Variants in IMPG2 observed in about 807,000 individuals in gnomAD.
IMPG2 encodes the protein interphotoreceptor matrix proteoglycan 2.
IMPG2 carries 91 observed loss-of-function variants against 129.2 expected under a neutral mutation model. The ratio of observed to expected loss-of-function variants is 0.70; its 90% CI spans 0.59 to 0.84. The LOEUF is 0.84. Among genes scored for constraint, IMPG2 ranks in the 40% least tolerant of loss-of-function variants. The probability of loss-of-function intolerance (pLI) is 0.00; values close to 1 mark genes in which losing one functional copy is unlikely to be tolerated. For missense variants in IMPG2, 1,430 were observed against 1,461.7 expected (o/e 0.98, Z 0.35); for synonymous variants, 510 against 517.7 (o/e 0.99, Z 0.20).
chr3:101,269,385 A>G, intron 8 of IMPG2, 130 bp downstream of exon 8: 1 of 621,838 alleles, frequency 1.6e-6, no homozygotes, highest in East Asian at 2.8e-5. Context: ...ATACTAATTT[A>G]CCAGAAATAG....
chr3:101,293,751 T>G (rs2107128467), intron 3 of IMPG2, among the ~76,000 whole-genome samples: 2 of 152,344 alleles, frequency 1.3e-5, no homozygotes. Flanking sequence ...ATAAATTATC[T>G]TAGCTAGATC....
chr3:101,286,046 C>T (rs1333074063), intron 4 of IMPG2, among the ~76,000 whole-genome samples: 4 of 151,980 alleles, frequency 2.6e-5, no homozygotes, highest in African/African-American at 9.7e-5. Flanking sequence ...TGAATACTGG[C>T]TTTGTGACCT....
intron 9 of IMPG2, among the ~76,000 whole-genome samples, chr3:101,258,982 T>A (rs543312280): frequency 6.6e-6 from 1 of 152,188 alleles, no homozygotes; most frequent in African/African-American, 2.4e-5. Flanking sequence ...AACAAGCCCT[T>A]AGAGCAGTTA....
chr3:101,303,710 A>C (rs952154191), intron 3 of IMPG2, among the ~76,000 whole-genome samples: 1 of 152,232 alleles, frequency 6.6e-6, no homozygotes, highest in African/African-American at 2.4e-5. Context: ...CCTATGCCTC[A>C]CTAAACATTT....
intron 4 of IMPG2, among the ~76,000 whole-genome samples, chr3:101,286,115 T>C (rs1706943502): frequency 1.3e-5 from 2 of 152,110 alleles, no homozygotes; most frequent in Non-Finnish European, 2.9e-5. Flanking sequence ...AGAAGGATAA[T>C]ATTAATACCT....
At chr3:101,258,816 A>T (rs1455982088) in intron 9 of IMPG2, among the ~76,000 whole-genome samples, 3 of 152,206 alleles carry the variant, frequency 2.0e-5, no homozygotes, top group African/African-American at 7.2e-5. Context: ...TAAACCAAAT[A>T]AAAATATTCC....
intron 17 of IMPG2, 81 bp from the exon 18 acceptor site, chr3:101,228,957 T>G (rs1706252337): frequency 9.9e-7 from 1 of 1,009,298 alleles, no homozygotes; most frequent in African/African-American, 1.6e-5. Flanking sequence ...CTAATTTTCA[T>G]AAGGAATTGT....
chr3:101,303,583 G>A (rs777636293), intron 3 of IMPG2, among the ~76,000 whole-genome samples: 64 of 152,322 alleles, frequency 4.2e-4, no homozygotes, highest in African/African-American at 1.3e-3. Flanking sequence ...TGTGCTACAC[G>A]AAAAGGGAAA....
intron 3 of IMPG2, among the ~76,000 whole-genome samples, chr3:101,294,981 AC>A (rs1225891866): frequency 2.6e-5 from 4 of 151,888 alleles, no homozygotes; most frequent in African/African-American, 9.7e-5. Context: ...TAGATATTAG[AC>A]CTTTGTCAGA....
At position 101,224,299 on chromosome 3, in the gene IMPG2, T is replaced by C. The variant is rs2107197791; in HGVS notation, c.*2670A>G. The stretch of plus-strand genomic sequence containing the variant: ...AAGGATAGTGTATATAATTCAATTA[T>C]AAAGGCTACATCTGTAAAACACCAC... On this transcript the variant is annotated 3_prime_UTR_variant, in exon 19 of 19. Transcript: ENST00000193391. 6.6e-6 allele frequency: 1 copy of C among 152,362 alleles called. No homozygotes were observed. The highest frequency in any genetic ancestry group is 1.5e-5 in the Non-Finnish European group (1 of 68,040). The allele number at this position is 152,362 out of a possible 1,614,324, so 9.4% of individuals were successfully genotyped here. A position where few individuals can be genotyped will look rare whatever the true frequency, so the allele number is the denominator to read the frequency against.
Position 101,244,355 on chromosome 3 carries a change from T to G in IMPG2, c.1976A>C (p.Asp659Ala). Residue 659 changes from aspartate to alanine, a missense_variant, in exon 13 of 19, where the codon GAC becomes GCC. Physicochemically the swap from Asp to Ala is moderately radical, Grantham distance 126 (BLOSUM62 -2). Coordinates refer to ENST00000193391, the MANE Select transcript of IMPG2 (RefSeq NM_016247.4). ...LVLVDKMDST[D>A]QISKHSKYEH... ...ATATTTTGAGTGCTTACTAATTTGG[T>G]CTGTGGAATCCATTTTGTCAACTAA... is the stretch of plus-strand genomic sequence containing the variant. The G allele has an allele frequency of 6.2e-7, 1 of 1,614,072 alleles. No homozygotes were observed. Among genetic ancestry groups the G allele is most frequent in the Non-Finnish European group, 8.5e-7 (1 of 1,179,994 alleles).
At chr3:101,248,053 A>G (rs900913091) in intron 11 of IMPG2, among the ~76,000 whole-genome samples, 1 of 152,144 alleles carries the variant, frequency 6.6e-6, no homozygotes, top group African/African-American at 2.4e-5. Context: ...GTGGCTAACT[A>G]GAGTTTAGTC....
At position 101,257,618 on chromosome 3, in the gene IMPG2, C is replaced by G. The variant is rs372699731; in HGVS notation, c.1064G>C (p.Arg355Thr). 24 of 1,613,322 alleles carry G rather than the reference C, an allele frequency of 1.5e-5. No individual in the cohort carries two copies. The highest frequency in any genetic ancestry group is 1.9e-5 in the Non-Finnish European group (22 of 1,179,596). The change falls in exon 10 of 19, where the codon AGA (arginine) becomes ACA (threonine). Residue 355 changes from arginine to threonine, a missense_variant. By Grantham distance (71) the Arg-to-Thr change is moderately conservative. Coordinates refer to ENST00000193391, the MANE Select transcript of IMPG2 (RefSeq NM_016247.4). ...PTVVYTISNF[R>T]DYIAETLQQN... is the part of the protein sequence containing the mutation. ...CTGCAATGTCTCAGCAATATAATCT[C>G]TGAAGTTACTGATTGTATAAACAAC... is the stretch of plus-strand genomic sequence containing the variant.
chr3:101,244,427 T>G lies in IMPG2; in HGVS notation c.1904A>C (p.Asp635Ala). The change falls in exon 13 of 19, where the codon GAT (aspartate) becomes GCT (alanine). Residue 635 changes from aspartate (D) to alanine (A), a missense_variant. Asp to Ala is a moderately radical substitution (Grantham distance 126, BLOSUM62 -2). Transcript: ENST00000193391. ...AEPLSKPWLEDDDSLLPAEIE... is the reference protein window; with the variant it reads ...AEPLSKPWLEADDSLLPAEIE... The stretch of plus-strand genomic sequence containing the variant: ...CTCAGCTGGCAAAAGTGAATCATCA[T>G]CTTCAAGCCACGGCTTGGACAGTGG... The G allele has an allele frequency of 6.2e-7, 1 of 1,614,190 alleles. No individual in the cohort carries two copies. Among genetic ancestry groups the G allele is most frequent in the Non-Finnish European group, 8.5e-7 (1 of 1,180,008 alleles).
intron 17 of IMPG2, among the ~76,000 whole-genome samples, chr3:101,229,154 G>T (rs1302777097): frequency 7.2e-6 from 1 of 139,540 alleles, no homozygotes; most frequent in East Asian, 2.0e-4. Context: ...AAAAAAAAAA[G>T]CGCCATTGTG....
chr3:101,233,043 G>T (rs1706307815), intron 14 of IMPG2, 52 bp from the exon 15 acceptor site: 13 of 1,536,792 alleles, frequency 8.5e-6, no homozygotes, highest in Non-Finnish European at 1.1e-5. Context: ...ACAGAAACTG[G>T]GGTATACAAA....
intron 4 of IMPG2, among the ~76,000 whole-genome samples, chr3:101,284,513 C>A (rs911822632): frequency 1.3e-4 from 19 of 151,786 alleles, no homozygotes; most frequent in African/African-American, 4.6e-4. Flanking sequence ...TAAACAAATT[C>A]TAATATTCAA....
At chr3:101,263,301 T>A (rs1258088246) in intron 9 of IMPG2, among the ~76,000 whole-genome samples, 1 of 152,044 alleles carries the variant, frequency 6.6e-6, no homozygotes, top group Admixed American at 6.6e-5. Flanking sequence ...ACTGACCATA[T>A]GTTAGGACAC....
In IMPG2 at chr3:101,259,914, G is replaced by T. The variant is rs535926949; in HGVS notation, c.909-2141C>A. 3.0e-4 allele frequency among the ~76,000 whole-genome samples: 45 copies of T among 152,238 alleles called. 1 individual carries two copies. The South Asian group carries it at 8.9e-3, about 30-fold the overall frequency. On this transcript the variant is annotated intron_variant, in intron 9 of 18. Coordinates refer to ENST00000193391, the MANE Select transcript of IMPG2 (RefSeq NM_016247.4). ...ACAGATTTTCTTATGAGGAAAGAAT[G>T]CATGAGCCAGTCAATGCTATAATAA...
Sources: allele counts gnomAD v4.1 joint callset (sites outside exome capture counted in the v4.1 genomes callset), GRCh38; gene constraint gnomAD v4.1.1; transcripts MANE v1.5; gene names NCBI Gene and HGNC (gene_info 2026-07-23, HGNC 2026-07-21).